The following SLCO3A1 variants were observed in gnomAD, a reference collection of about 807,000 sequenced individuals.
SLCO3A1 encodes the protein solute carrier organic anion transporter family member 3A1.
A neutral mutation model predicts 63.1 loss-of-function variants in SLCO3A1; 27 were observed. The ratio of observed to expected loss-of-function variants is 0.43; its 90% CI spans 0.32 to 0.59. The LOEUF is 0.59. SLCO3A1 is among the 20% of genes least tolerant of loss of function. The pLI is 0.09. For missense variants in SLCO3A1, 773 were observed against 945.8 expected, an observed-to-expected ratio of 0.82 and a Z score of 2.40; for synonymous variants, 473 against 409.9, an observed-to-expected ratio of 1.15 and a Z score of -1.86.
chr15:91,880,111 GTCCGTCCGTCCGTCCGTCCGTCCATCCA>G (rs201413860), intron 1 of SLCO3A1, among the ~76,000 whole-genome samples: 164 of 119,642 alleles, frequency 1.4e-3, no homozygotes, highest in African/African-American at 4.8e-3. Flanking sequence ...CCGTCCGTCC[GTCCGTCCGTCCGTCCGTCCGTCCATCCA>G]TCCATCCATC....
At chr15:92,012,143 T>G (rs1287190115) in intron 2 of SLCO3A1, among the ~76,000 whole-genome samples, 2 of 152,268 alleles carry the variant, frequency 1.3e-5, no homozygotes, top group African/African-American at 4.8e-5. Flanking sequence ...GTTGCCTTTA[T>G]GTAATAATCA....
chr15:91,860,036 CT>C lies in SLCO3A1; in HGVS notation c.180+5950del. On this transcript the variant is annotated intron_variant, in intron 1 of 9. Transcript: ENST00000318445. The surrounding 1 kb of genome is among the most constrained non-coding windows in gnomAD (Gnocchi z 5.5). Reference sequence around the variant, plus strand: ...TTATAAATATAGCAATCCATTTCATCTTAAAGATGCTATAAAAATTAGTCAC... The same window carrying C: ...TTATAAATATAGCAATCCATTTCATCTAAAGATGCTATAAAAATTAGTCAC... Among the ~76,000 whole-genome samples, 1 of 152,152 alleles carries C rather than the reference CT, an allele frequency of 6.6e-6. No homozygotes were observed. The highest frequency in any genetic ancestry group is 1.5e-5 in the Non-Finnish European group (1 of 68,026).
chr15:92,047,543 AATAT>A lies in SLCO3A1; in HGVS notation c.647-47334_647-47331del, dbSNP rs1369129543. Among the ~76,000 whole-genome samples, 5 of 11,430 alleles carry A rather than the reference AATAT, an allele frequency of 4.4e-4. 1 individual carries two copies. The highest frequency in any genetic ancestry group is 1.4e-3 in the African/African-American group (3 of 2,086). 7.5% of individuals were successfully genotyped at this position (11,430 alleles called of 152,430 possible). On this transcript the variant is annotated intron_variant, in intron 2 of 9. Transcript: ENST00000318445. ...CATAAATAAATATATAAATATATATAATATATAAATATATAAATATATATATAAA... is the reference window on the plus strand; with the variant it reads ...CATAAATAAATATATAAATATATATAATAAATATATAAATATATATATAAA...
At chr15:92,004,480 A>G (rs73532483) in intron 2 of SLCO3A1, among the ~76,000 whole-genome samples, 2,085 of 152,350 alleles carry the variant, frequency 0.014, 52 homozygotes, top group African/African-American at 0.047. Context: ...GAGTGGTTTT[A>G]GTAATTCTGC....
intron 7 of SLCO3A1, among the ~76,000 whole-genome samples, chr15:92,131,924 T>C (rs1466472852): frequency 6.9e-6 from 1 of 145,858 alleles, no homozygotes; most frequent in Non-Finnish European, 1.5e-5. Flanking sequence ...TCACCTGTTC[T>C]AATGGCTCAT....
In SLCO3A1 at chr15:92,033,136, T is replaced by TA. The variant is rs567893607; in HGVS notation, c.647-61737dup. Among the ~76,000 whole-genome samples, 8 of 151,886 alleles carry TA rather than the reference T, an allele frequency of 5.3e-5. No homozygotes were observed. Among genetic ancestry groups the TA allele is most frequent in the Non-Finnish European group, 7.4e-5 (5 of 67,972 alleles). ...AGAATTTACCAAAGAATCTCACGTGTAAAAAAAACAAAAGAACTCCATGGA... is the reference window on the plus strand; with the variant it reads ...AGAATTTACCAAAGAATCTCACGTGTAAAAAAAAACAAAAGAACTCCATGGA... On this transcript the variant is annotated intron_variant, in intron 2 of 9. Coordinates refer to ENST00000318445, the MANE Select transcript of SLCO3A1 (RefSeq NM_013272.4). The surrounding 1 kb of genome is among the most constrained non-coding windows in gnomAD (Gnocchi z 4.5).
intron 2 of SLCO3A1, among the ~76,000 whole-genome samples, chr15:91,998,068 G>A (rs1048234763): frequency 5.9e-5 from 9 of 152,190 alleles, no homozygotes; most frequent in African/African-American, 1.9e-4. Flanking sequence ...TACAGAATGG[G>A]AGAAAATATT....
rs143659356 is a variant in SLCO3A1 at position 91,925,574 on chromosome 15, A to G, written c.646+9116A>G. Reference sequence around the variant, plus strand: ...CATGTGGTCAGTCCGGGCATGGTCAATTGTGACACAGAGAAGGTCTACAGT... The same window carrying G: ...CATGTGGTCAGTCCGGGCATGGTCAGTTGTGACACAGAGAAGGTCTACAGT... On this transcript the variant is annotated intron_variant, in intron 2 of 9. Coordinates refer to ENST00000318445, the MANE Select transcript of SLCO3A1 (RefSeq NM_013272.4). Among the ~76,000 whole-genome samples, 27 of 151,866 alleles carry G rather than the reference A, an allele frequency of 1.8e-4. No individual in the cohort carries two copies. In the East Asian group the frequency reaches 2.3e-3, roughly 13 times the overall value.
At chr15:92,156,685 C>T (rs1015646005) in intron 9 of SLCO3A1, among the ~76,000 whole-genome samples, 1 of 152,248 alleles carries the variant, frequency 6.6e-6, no homozygotes, top group Non-Finnish European at 1.5e-5. Flanking sequence ...CAGGAGAATA[C>T]ACTTTTCAGC....
At chr15:92,150,891 A>G in intron 8 of SLCO3A1, 59 bp from the exon 9 acceptor site, 1 of 1,272,088 alleles carries the variant, frequency 7.9e-7, no homozygotes, top group Middle Eastern at 1.9e-4. Flanking sequence ...GGGGTCTGTT[A>G]ATTACAGGGG....
At chr15:91,898,259 C>T (rs1281611539) in intron 1 of SLCO3A1, among the ~76,000 whole-genome samples, 1 of 152,208 alleles carries the variant, frequency 6.6e-6, no homozygotes, top group South Asian at 2.1e-4. Flanking sequence ...AAGGCCTTGT[C>T]CTGTAACTGG....
At chr15:92,169,722 C>G (rs2048511570), downstream of SLCO3A1, among the ~76,000 whole-genome samples, 1 of 152,218 alleles carries the variant, frequency 6.6e-6, no homozygotes, top group Non-Finnish European at 1.5e-5. Context: ...GCATCAACCA[C>G]AGGAGATCAG....
At chr15:91,956,337 G>A (rs1193584966) in intron 2 of SLCO3A1, among the ~76,000 whole-genome samples, 7 of 152,276 alleles carry the variant, frequency 4.6e-5, no homozygotes, top group East Asian at 1.9e-4. Context: ...GGGATAAAGC[G>A]TGACTCTCAG....
chr15:91,992,370 A>G (rs887066468), intron 2 of SLCO3A1, among the ~76,000 whole-genome samples: 5 of 152,318 alleles, frequency 3.3e-5, no homozygotes, highest in Admixed American at 2.0e-4. Context: ...ACTGGGAAGC[A>G]GCGTTCTAGA....
At chr15:92,151,637 G>A (rs753668045) in intron 9 of SLCO3A1, among the ~76,000 whole-genome samples, 1 of 152,202 alleles carries the variant, frequency 6.6e-6, no homozygotes, top group Non-Finnish European at 1.5e-5. Context: ...CTGGGCTGAC[G>A]CTGGGCCTGG....
At chr15:91,939,622 C>A (rs970745752) in intron 2 of SLCO3A1, among the ~76,000 whole-genome samples, 2 of 152,110 alleles carry the variant, frequency 1.3e-5, no homozygotes, top group African/African-American at 4.8e-5. Context: ...TTTCATGGGT[C>A]CTGCATGAAG....
intron 2 of SLCO3A1, among the ~76,000 whole-genome samples, chr15:91,978,850 G>A (rs997246041): frequency 5.3e-5 from 8 of 152,194 alleles, no homozygotes; most frequent in African/African-American, 7.2e-5. Context: ...TATGGCCCAC[G>A]GGCCAAATCC....
intron 2 of SLCO3A1, among the ~76,000 whole-genome samples, chr15:91,993,158 G>T (rs190409862): frequency 9.2e-5 from 14 of 152,320 alleles, no homozygotes; most frequent in Admixed American, 2.6e-4. Context: ...CTGCCTTTGT[G>T]CAAGAAGGAG....
At chr15:92,169,093 C>G (rs2048508105), downstream of SLCO3A1, among the ~76,000 whole-genome samples, 1 of 152,224 alleles carries the variant, frequency 6.6e-6, no homozygotes, top group South Asian at 2.1e-4. Flanking sequence ...TTCTCAAGCA[C>G]TGACTATGAA....
Sources: allele counts gnomAD v4.1 joint callset (sites outside exome capture counted in the v4.1 genomes callset), GRCh38; gene constraint gnomAD v4.1.1; non-coding constraint Gnocchi (gnomAD v3.1); transcripts MANE v1.5; gene names NCBI Gene and HGNC (gene_info 2026-07-23, HGNC 2026-07-21).